Variants in ATP10A observed in about 807,000 individuals in gnomAD.
The protein encoded by ATP10A is phospholipid-transporting ATPase VA.
A neutral mutation model predicts 147.8 loss-of-function variants in ATP10A; 111 were observed. That is an observed-to-expected ratio of 0.75 (90% CI 0.64 to 0.88). The LOEUF (loss-of-function observed/expected upper bound fraction) is 0.88, where lower values mean the gene tolerates loss of function less well. ATP10A is among the 40% of genes least tolerant of loss of function. The pLI is 0.00. For synonymous variants in ATP10A, 875 were observed against 841.6 expected (o/e 1.04, Z -0.69); for missense variants, 1,927 against 1,959.0 (o/e 0.98, Z 0.31).
chr15:25,791,665 G>A (rs543337331), intron 1 of ATP10A, among the ~76,000 whole-genome samples: 1 of 152,274 alleles, frequency 6.6e-6, no homozygotes, highest in East Asian at 1.9e-4. Context: ...GTGATTACAG[G>A]TGTGAGCCAC....
chr15:25,718,166 G>T lies in ATP10A; in HGVS notation c.1581+16C>A. 6.2e-7 allele frequency: 1 copy of T among 1,606,840 alleles called. No homozygotes were observed. The highest frequency in any genetic ancestry group is 8.5e-7 in the Non-Finnish European group (1 of 1,174,974). On this transcript the variant is annotated intron_variant, in intron 8 of 20. Transcript: ENST00000555815. ...GAGACGTGGCAGCACCCTAGCAGGA[G>T]GCCCTGTACACTCACCATGGGGCTG...
At chr15:25,851,130 G>A (rs982041578) in intron 1 of ATP10A, among the ~76,000 whole-genome samples, 2 of 152,064 alleles carry the variant, frequency 1.3e-5, no homozygotes, top group East Asian at 3.9e-4. Context: ...TCGCACCCCA[G>A]GACCTTTCTA....
intron 1 of ATP10A, among the ~76,000 whole-genome samples, chr15:25,786,346 G>C (rs957101619): frequency 6.6e-6 from 1 of 152,164 alleles, no homozygotes; most frequent in Non-Finnish European, 1.5e-5. Flanking sequence ...ATGTGTGCCC[G>C]TCACCACCGC....
Position 25,687,808 on chromosome 15 carries a change from A to C in ATP10A, c.3186T>G (p.Phe1062Leu), listed in dbSNP as rs1899779331. ...EGMQAVMASD[F>L]AVPKFRYLER... ...CCAGGTATCGGAATTTCGGCACTGC[A>C]AAGTCGCTGGCCATCACTGCCTTCA... Residue 1062 changes from phenylalanine (F) to leucine (L), a missense_variant, in exon 16 of 21, where the codon TTT becomes TTG. Coordinates refer to ENST00000555815, the MANE Select transcript of ATP10A (RefSeq NM_024490.4). 1 of 1,613,926 alleles carries C rather than the reference A, an allele frequency of 6.2e-7. No individual in the cohort carries two copies.
rs368768805 is a variant in ATP10A, at chr15:25,862,855, T to C, written c.242A>G (p.Glu81Gly). 186 of 1,610,740 alleles carry C rather than the reference T, an allele frequency of 1.2e-4. No homozygotes were observed. The highest frequency in any genetic ancestry group is 1.5e-4 in the Non-Finnish European group (180 of 1,178,712). ...CACGTTGGCCGGGCGGTGGAACTGC[T>C]CGAACAGGTTCTTGGGCAGGAAGGA... ...LLSFLPKNLFEQFHRPANVYF... is the reference protein window; with the variant it reads ...LLSFLPKNLFGQFHRPANVYF... Residue 81 changes from glutamate to glycine, a missense_variant, in exon 1 of 21, where the codon GAG (glutamate) becomes GGG (glycine). Glu to Gly is a moderately conservative substitution (Grantham distance 98, BLOSUM62 -2). Transcript: ENST00000555815.
At chr15:25,720,758 C>T (rs1902164580) in intron 7 of ATP10A, among the ~76,000 whole-genome samples, 1 of 152,196 alleles carries the variant, frequency 6.6e-6, no homozygotes, top group Non-Finnish European at 1.5e-5. Context: ...TGACTGCTTT[C>T]ATTTTGTGTT....
At chr15:25,736,628 A>G (rs1887300898) in intron 2 of ATP10A, among the ~76,000 whole-genome samples, 1 of 152,208 alleles carries the variant, frequency 6.6e-6, no homozygotes, top group South Asian at 2.1e-4. Context: ...GTGAGCCAAC[A>G]ACTTCTTTAG....
intron 2 of ATP10A, among the ~76,000 whole-genome samples, chr15:25,763,675 T>C (rs954061040): frequency 6.6e-6 from 1 of 152,248 alleles, no homozygotes; most frequent in African/African-American, 2.4e-5. Context: ...TGCTGTAAAA[T>C]GATTCACTCC....
chr15:25,826,250 GA>G (rs1163607674), intron 1 of ATP10A, among the ~76,000 whole-genome samples: 1 of 152,154 alleles, frequency 6.6e-6, no homozygotes, highest in Non-Finnish European at 1.5e-5. Flanking sequence ...ACAAAAAGAA[GA>G]AAGTACAGTT....
At chr15:25,830,304 G>A (rs983225661) in intron 1 of ATP10A, among the ~76,000 whole-genome samples, 1 of 152,150 alleles carries the variant, frequency 6.6e-6, no homozygotes, top group Non-Finnish European at 1.5e-5. Flanking sequence ...GTGCTCTGCA[G>A]AGCCACCTTG....
intron 2 of ATP10A, chr15:25,738,376 A>C (rs1386982903): frequency 6.6e-6 from 1 of 152,374 alleles, no homozygotes; most frequent in Admixed American, 6.5e-5. Context: ...AAGAGGAAGC[A>C]GTTCTACAGA....
At chr15:25,817,906 C>T (rs1891733028) in intron 1 of ATP10A, among the ~76,000 whole-genome samples, 1 of 152,104 alleles carries the variant, frequency 6.6e-6, no homozygotes, top group African/African-American at 2.4e-5. Context: ...ATGTACATTC[C>T]TTTAAAGAGA....
chr15:25,797,960 A>C (rs1179955953), intron 1 of ATP10A, among the ~76,000 whole-genome samples: 1 of 152,202 alleles, frequency 6.6e-6, no homozygotes, highest in Non-Finnish European at 1.5e-5. Flanking sequence ...TTGTCCAAGG[A>C]GAGAGTTAAA....
intron 12 of ATP10A, among the ~76,000 whole-genome samples, chr15:25,702,449 G>C (rs568425754): frequency 6.6e-6 from 1 of 152,218 alleles, no homozygotes; most frequent in African/African-American, 2.4e-5. Flanking sequence ...AAGGCAAAGC[G>C]TATGGGAAGG....
intron 1 of ATP10A, among the ~76,000 whole-genome samples, chr15:25,818,758 C>T (rs995353241): frequency 2.6e-5 from 4 of 152,098 alleles, no homozygotes; most frequent in East Asian, 1.9e-4. Context: ...AAAATAGACA[C>T]ACAGACCAAT....
chr15:25,704,247 T>C (rs1900843525), intron 12 of ATP10A, among the ~76,000 whole-genome samples: 1 of 152,172 alleles, frequency 6.6e-6, no homozygotes, highest in South Asian at 2.1e-4. Flanking sequence ...TACTTAATGA[T>C]AGTAATAATG....
intron 1 of ATP10A, among the ~76,000 whole-genome samples, chr15:25,846,716 A>G (rs149297198): frequency 3.9e-5 from 6 of 152,358 alleles, no homozygotes; most frequent in African/African-American, 1.4e-4. Context: ...ACATCACAAC[A>G]TAAAGCTCCT....
rs140281797 is a variant in ATP10A at position 25,795,908 on chromosome 15, C to G, written c.450-14685G>C. On this transcript the variant is annotated intron_variant, in intron 1 of 20. Coordinates refer to ENST00000555815, the MANE Select transcript of ATP10A (RefSeq NM_024490.4). ...CTGGCTCTATTAGTTCCTGTGAGAG[C>G]TGGTTGTTAAAAAGAGCCTGGCACC... Among the ~76,000 whole-genome samples, 42 of 152,108 alleles carry G rather than the reference C, an allele frequency of 2.8e-4. 1 individual carries two copies. The East Asian group carries it at 7.6e-3, about 27-fold the overall frequency.
intron 13 of ATP10A, among the ~76,000 whole-genome samples, chr15:25,696,581 A>G (rs886639567): frequency 6.6e-6 from 1 of 152,194 alleles, no homozygotes; most frequent in African/African-American, 2.4e-5. Context: ...GTAGCAGCCG[A>G]TGGACCGGGA....
Sources: allele counts gnomAD v4.1 joint callset (sites outside exome capture counted in the v4.1 genomes callset), GRCh38; gene constraint gnomAD v4.1.1; transcripts MANE v1.5; gene names NCBI Gene and HGNC (gene_info 2026-07-23, HGNC 2026-07-21).